FREM3: variants seen among roughly 807,000 people sequenced by gnomAD.
FREM3 encodes the protein FRAS1-related extracellular matrix protein 3.
In FREM3, 105 loss-of-function variants were observed where a neutral mutation model predicts 129.1. That is an observed-to-expected ratio of 0.81 (90% CI 0.69 to 0.96). The LOEUF (loss-of-function observed/expected upper bound fraction) is 0.96, where lower values mean the gene tolerates loss of function less well. Among genes scored for constraint, FREM3 ranks in the 40% least tolerant of loss-of-function variants. FREM3 has a pLI of 0.00. For synonymous variants in FREM3, 1,014 were observed against 1,044.9 expected, an observed-to-expected ratio of 0.97 and a Z score of 0.57; for missense variants, 2,593 against 2,666.3, an observed-to-expected ratio of 0.97 and a Z score of 0.61.
intron 6 of FREM3, among the ~76,000 whole-genome samples, chr4:143,603,132 A>G (rs1404974588): frequency 6.6e-6 from 1 of 152,146 alleles, no homozygotes. Context: ...ATTTTGGCAC[A>G]TATATCATGT....
intron 2 of FREM3, among the ~76,000 whole-genome samples, chr4:143,629,961 A>C (rs1739108977): frequency 6.6e-6 from 1 of 152,154 alleles, no homozygotes; most frequent in Non-Finnish European, 1.5e-5. Context: ...CCTCTGAATA[A>C]AAACATGCAC....
At chr4:143,665,404 T>G (rs750792522) in intron 2 of FREM3, among the ~76,000 whole-genome samples, 3 of 152,112 alleles carry the variant, frequency 2.0e-5, no homozygotes, top group Non-Finnish European at 4.4e-5. Context: ...AGAGCAAGGA[T>G]TATGTCTTTT....
intron 6 of FREM3, among the ~76,000 whole-genome samples, chr4:143,593,301 G>A (rs10035017): frequency 0.013 from 1,915 of 152,296 alleles, 50 homozygotes; most frequent in African/African-American, 0.043. Context: ...TTTGGAGGAG[G>A]AGAGGTGCTC....
intron 2 of FREM3, among the ~76,000 whole-genome samples, chr4:143,659,265 C>G (rs1053370867): frequency 6.6e-5 from 10 of 151,740 alleles, no homozygotes; most frequent in African/African-American, 2.4e-4. Flanking sequence ...ACAACAGTCC[C>G]CAGAGTGTGA....
rs529062717 is a variant in FREM3 at position 143,631,327 on chromosome 4, C to G, written c.5276-3567G>C. Among the ~76,000 whole-genome samples, 9 of 149,396 alleles carry G rather than the reference C, an allele frequency of 6.0e-5. No homozygotes were observed. The East Asian group carries it at 1.7e-3, about 29-fold the overall frequency. ...CCAGAAAAGTTGTGTTATTATAATG[C>G]TGTATTTATTTATTTATTTATTTAT... is the stretch of plus-strand genomic sequence containing the variant. On this transcript the variant is annotated intron_variant, in intron 2 of 7. Transcript: ENST00000329798.
At chr4:143,586,201 G>A (rs1182045594) in intron 6 of FREM3, among the ~76,000 whole-genome samples, 1 of 152,062 alleles carries the variant, frequency 6.6e-6, no homozygotes, top group African/African-American at 2.4e-5. Context: ...TTGACTCCAG[G>A]AAATGCCATG....
intron 7 of FREM3, among the ~76,000 whole-genome samples, chr4:143,581,974 G>T (rs184152331): frequency 9.1e-4 from 139 of 152,106 alleles, no homozygotes; most frequent in African/African-American, 3.2e-3. Flanking sequence ...AGGCCAGTCT[G>T]TCCTCCCTGT....
intron 2 of FREM3, among the ~76,000 whole-genome samples, chr4:143,679,413 G>A (rs927376222): frequency 3.9e-5 from 6 of 152,190 alleles, no homozygotes; most frequent in Admixed American, 1.3e-4. Flanking sequence ...TACAGCAACA[G>A]TTGAACTCCA....
At chr4:143,668,063 C>G (rs1739896879) in intron 2 of FREM3, among the ~76,000 whole-genome samples, 2 of 152,144 alleles carry the variant, frequency 1.3e-5, no homozygotes, top group Non-Finnish European at 2.9e-5. Context: ...TATGCAAACA[C>G]TTTTTAGTAA....
intron 2 of FREM3, among the ~76,000 whole-genome samples, chr4:143,628,076 C>T (rs548506096): frequency 5.9e-5 from 9 of 152,004 alleles, no homozygotes; most frequent in Non-Finnish European, 1.2e-4. Flanking sequence ...ACACCTCTAT[C>T]GTTTCCTCCC....
intron 6 of FREM3, among the ~76,000 whole-genome samples, chr4:143,593,396 C>T (rs7440505): frequency 0.11 from 17,233 of 151,798 alleles, 1,909 homozygotes; most frequent in East Asian, 0.61. Context: ...ATGATGGTGA[C>T]GTACAGATGG....
At chr4:143,590,638 G>T (rs535992470) in intron 6 of FREM3, among the ~76,000 whole-genome samples, 28 of 152,314 alleles carry the variant, frequency 1.8e-4, no homozygotes, top group African/African-American at 5.8e-4. Context: ...GATTCAATTT[G>T]CCAGTATTTT....
chr4:143,662,140 T>A lies in FREM3; in HGVS notation c.5275+30973A>T, dbSNP rs564722515. 3.3e-5 allele frequency among the ~76,000 whole-genome samples: 5 copies of A among 152,258 alleles called. No individual in the cohort carries two copies. In the East Asian group the frequency reaches 9.7e-4, roughly 29 times the overall value. On this transcript the variant is annotated intron_variant, in intron 2 of 7. Coordinates refer to ENST00000329798, the MANE Select transcript of FREM3 (RefSeq NM_001168235.2). ...TTCTTGCCTTCTGCTAGCTTTTGAA[T>A]GTGTTTGCTCTTGCTTTTCTAGTTC... is the stretch of plus-strand genomic sequence containing the variant.
intron 2 of FREM3, among the ~76,000 whole-genome samples, chr4:143,641,116 G>T (rs545076612): frequency 6.6e-6 from 1 of 152,264 alleles, no homozygotes; most frequent in East Asian, 1.9e-4. Flanking sequence ...GCCCAAGGGT[G>T]CCTGTGCTAA....
chr4:143,663,875 A>T (rs1047903996), intron 2 of FREM3, among the ~76,000 whole-genome samples: 3 of 152,034 alleles, frequency 2.0e-5, no homozygotes. Context: ...AGTTGATCGC[A>T]TCGGCTCCTG....
In FREM3 at chr4:143,696,572, A is replaced by T; in HGVS notation, c.4104T>A (p.Asn1368Lys). 1.3e-6 allele frequency: 2 copies of T among 1,537,444 alleles called. No homozygotes were observed. The highest frequency in any genetic ancestry group is 1.7e-6 in the Non-Finnish European group (2 of 1,146,964). Residue 1368 changes from asparagine (N) to lysine (K), a missense_variant, in exon 1 of 8, where the codon AAT (asparagine) becomes AAA (lysine). Physicochemically the swap from Asn to Lys is moderately conservative, Grantham distance 94. Coordinates refer to ENST00000329798, the MANE Select transcript of FREM3 (RefSeq NM_001168235.2). ...GGGTAAAGTTCATTCCCAGAGTAAG[A>T]TTGTTCCTCACTTCTCCTCTGGGTT... ...LRKPRGEVRNNLTLGMNFTQD... is the reference protein window; with the variant it reads ...LRKPRGEVRNKLTLGMNFTQD...
Position 143,700,245 on chromosome 4 carries a change from C to G in FREM3, c.431G>C (p.Arg144Pro). ...PGRARVLLQLRYDAPTHTLVL... is the reference protein window; with the variant it reads ...PGRARVLLQLPYDAPTHTLVL... Reference sequence around the variant, plus strand: ...CAGAGTGTGAGTCGGGGCGTCGTAGCGCAGCTGCAGCAGCACCCGGGCGCG... The same window carrying G: ...CAGAGTGTGAGTCGGGGCGTCGTAGGGCAGCTGCAGCAGCACCCGGGCGCG... The change falls in exon 1 of 8, where the codon CGC becomes CCC. Residue 144 changes from arginine to proline, a missense_variant. Transcript: ENST00000329798. 2 of 1,536,626 alleles carry G rather than the reference C, an allele frequency of 1.3e-6. No individual in the cohort carries two copies. Among genetic ancestry groups the G allele is most frequent in the Non-Finnish European group, 8.7e-7 (1 of 1,146,864 alleles).
Position 143,699,315 on chromosome 4 carries a change from G to A in FREM3, c.1361C>T (p.Thr454Ile), listed in dbSNP as rs1258746108. The change falls in exon 1 of 8, where the codon ACC (threonine) becomes ATC (isoleucine). Residue 454 changes from threonine (T) to isoleucine (I), a missense_variant. Around this residue, in one of 2 missense-constraint regions of FREM3, gnomAD observed 2,276 missense variants for 2,267.2 expected, o/e 1.00. Coordinates refer to ENST00000329798, the MANE Select transcript of FREM3 (RefSeq NM_001168235.2). This position sits in a 1 kb window ranked among gnomAD's most constrained non-coding sequence, Gnocchi z 4.2. ...FEGQSRPLSS[T>I]HSIPISDKDN... The stretch of plus-strand genomic sequence containing the variant: ...TTTATCACTGATAGGAATGCTGTGG[G>A]TGCTGGACAAGGGCCTTGACTGACC... 6.5e-7 allele frequency: 1 copy of A among 1,537,352 alleles called. No individual in the cohort carries two copies. Among genetic ancestry groups the A allele is most frequent in the South Asian group, 1.2e-5 (1 of 84,068 alleles).
chr4:143,645,674 C>T (rs1739400551), intron 2 of FREM3, among the ~76,000 whole-genome samples: 1 of 152,200 alleles, frequency 6.6e-6, no homozygotes, highest in South Asian at 2.1e-4. Flanking sequence ...CCAGCCTTTC[C>T]TACAGATTTT....
Sources: allele counts gnomAD v4.1 joint callset (sites outside exome capture counted in the v4.1 genomes callset), GRCh38; gene constraint gnomAD v4.1.1; regional missense constraint gnomAD v4.1.1; non-coding constraint Gnocchi (gnomAD v3.1); transcripts MANE v1.5; gene names NCBI Gene and HGNC (gene_info 2026-07-23, HGNC 2026-07-21).